KAZN: variants seen among roughly 807,000 people sequenced by gnomAD.
KAZN encodes kazrin, periplakin interacting protein.
Under a neutral mutation model 87.4 loss-of-function variants are expected in KAZN, and 40 were observed. The observed-to-expected ratio is 0.46, with a 90% CI of 0.36 to 0.60. KAZN has a LOEUF of 0.60. Ranked by LOEUF, KAZN falls within the 20% of genes least tolerant of loss-of-function variation. The pLI is 0.00. For synonymous variants in KAZN, 466 were observed against 458.3 expected, an observed-to-expected ratio of 1.02 and a Z score of -0.22; for missense variants, 898 against 1,073.9, an observed-to-expected ratio of 0.84 and a Z score of 2.29.
chr1:14,959,542 G>A (rs1663584303), intron 1 of KAZN, among the ~76,000 whole-genome samples: 1 of 152,152 alleles, frequency 6.6e-6, no homozygotes, highest in African/African-American at 2.4e-5. Context: ...GGAGGGTGGG[G>A]GCGGCCCGGT....
chr1:13,904,441 A>G (rs1302011977), intron 1 of KAZN, among the ~76,000 whole-genome samples: 1 of 152,130 alleles, frequency 6.6e-6, no homozygotes. Context: ...ATCAAGACCA[A>G]TCTGCACTGG....
chr1:14,351,659 G>A (rs117125414), intron 2 of KAZN, among the ~76,000 whole-genome samples: 2,744 of 152,272 alleles, frequency 0.018, 137 homozygotes, highest in Admixed American at 0.1. Flanking sequence ...GCTGAGGGAC[G>A]CTGCAGGCTA....
At chr1:14,165,311 C>T (rs1570916469) in intron 1 of KAZN, among the ~76,000 whole-genome samples, 1 of 151,966 alleles carries the variant, frequency 6.6e-6, no homozygotes, top group Non-Finnish European at 1.5e-5. Flanking sequence ...GCCAGGTTTC[C>T]CATTCCCTCT....
intron 1 of KAZN, among the ~76,000 whole-genome samples, chr1:14,609,474 C>G (rs978144206): frequency 6.6e-6 from 1 of 152,188 alleles, no homozygotes; most frequent in South Asian, 2.1e-4. Flanking sequence ...TGTTTAAACT[C>G]GGCTGATCAA....
At chr1:14,832,726 A>G (rs887115729) in intron 1 of KAZN, among the ~76,000 whole-genome samples, 1 of 152,224 alleles carries the variant, frequency 6.6e-6, no homozygotes, top group African/African-American at 2.4e-5. Flanking sequence ...TTGGACAAGT[A>G]TGGTCTAGAC....
At chr1:14,744,176 A>G (rs1330781510) in intron 1 of KAZN, among the ~76,000 whole-genome samples, 1 of 152,190 alleles carries the variant, frequency 6.6e-6, no homozygotes, top group African/African-American at 2.4e-5. Context: ...ATTTGCACAC[A>G]TTATTAATAA....
intron 4 of KAZN, among the ~76,000 whole-genome samples, chr1:15,055,758 A>G (rs989349483): frequency 2.6e-5 from 4 of 152,204 alleles, no homozygotes; most frequent in Non-Finnish European, 5.9e-5. Context: ...TTGTGTGACC[A>G]GGTGGCCAGG....
intron 1 of KAZN, among the ~76,000 whole-genome samples, chr1:13,914,603 A>G (rs1040706527): frequency 6.6e-6 from 1 of 152,054 alleles, no homozygotes; most frequent in Non-Finnish European, 1.5e-5. Context: ...GACCATGGAG[A>G]GATTTTCCTG....
intron 1 of KAZN, among the ~76,000 whole-genome samples, chr1:14,952,265 T>TGTGC (rs1484867264): frequency 2.0e-5 from 3 of 151,762 alleles, no homozygotes; most frequent in Admixed American, 2.0e-4. Context: ...TGTGTGTGTG[T>TGTGC]GTGTGTGTGT....
intron 1 of KAZN, among the ~76,000 whole-genome samples, chr1:14,885,349 C>G (rs1396050458): frequency 6.6e-6 from 1 of 152,088 alleles, no homozygotes; most frequent in African/African-American, 2.4e-5. Context: ...GCCAAGCCTG[C>G]TGAGAACATC....
chr1:14,879,681 C>G (rs1452731320), intron 1 of KAZN, among the ~76,000 whole-genome samples: 1 of 152,124 alleles, frequency 6.6e-6, no homozygotes, highest in East Asian at 1.9e-4. Flanking sequence ...GGAATTACCC[C>G]TAGTGGAGAC....
intron 2 of KAZN, among the ~76,000 whole-genome samples, chr1:14,233,263 C>G (rs1417652552): frequency 6.6e-6 from 1 of 152,172 alleles, no homozygotes; most frequent in Non-Finnish European, 1.5e-5. Flanking sequence ...TCCCAAGTAG[C>G]TGGGGCTACA....
chr1:14,469,990 G>A (rs756358432), intron 2 of KAZN, among the ~76,000 whole-genome samples: 5 of 152,240 alleles, frequency 3.3e-5, no homozygotes, highest in South Asian at 2.1e-4. Context: ...TTGATACAGC[G>A]AACACTATTA....
At chr1:14,432,032 G>T (rs1198762983) in intron 2 of KAZN, among the ~76,000 whole-genome samples, 4 of 152,134 alleles carry the variant, frequency 2.6e-5, no homozygotes. Flanking sequence ...ACCAAACATG[G>T]TGTGAAGAGT....
chr1:14,706,307 T>C (rs899536525), intron 1 of KAZN, among the ~76,000 whole-genome samples: 20 of 152,052 alleles, frequency 1.3e-4, no homozygotes, highest in Non-Finnish European at 2.5e-4. Flanking sequence ...ATAATGTACT[T>C]GAATCATCCC....
chr1:14,191,630 C>T (rs957795716), intron 2 of KAZN, among the ~76,000 whole-genome samples: 6 of 152,108 alleles, frequency 3.9e-5, no homozygotes, highest in African/African-American at 1.4e-4. Context: ...CTGTATCCGT[C>T]ATAGTTTTTA....
chr1:14,613,730 C>T (rs1264266769), intron 1 of KAZN, among the ~76,000 whole-genome samples: 4 of 152,192 alleles, frequency 2.6e-5, no homozygotes, highest in Non-Finnish European at 4.4e-5. Context: ...TTGGACTTCT[C>T]GTCACCTTCT....
chr1:15,055,672 C>T (rs754230892), intron 4 of KAZN, among the ~76,000 whole-genome samples: 6 of 152,134 alleles, frequency 3.9e-5, no homozygotes, highest in Non-Finnish European at 8.8e-5. Flanking sequence ...CTCCACCATT[C>T]GGAACTTTAG....
At chr1:14,333,356 T>C (rs1450847112) in intron 2 of KAZN, among the ~76,000 whole-genome samples, 1 of 152,226 alleles carries the variant, frequency 6.6e-6, no homozygotes, top group Non-Finnish European at 1.5e-5. Context: ...TGCATATACA[T>C]GTATCTTTGT....
Sources: allele counts gnomAD v4.1 joint callset (sites outside exome capture counted in the v4.1 genomes callset), GRCh38; gene constraint gnomAD v4.1.1; transcripts MANE v1.5; gene names NCBI Gene and HGNC (gene_info 2026-07-23, HGNC 2026-07-21).